Variants in CC2D2B observed in about 807,000 individuals in gnomAD.
CC2D2B encodes the protein coiled-coil and C2 domain containing 2B, also known as protein CC2D2B.
A neutral mutation model predicts 161.2 loss-of-function variants in CC2D2B; 128 were observed. The ratio of observed to expected loss-of-function variants is 0.79; its 90% CI spans 0.69 to 0.92. CC2D2B has a LOEUF of 0.92. Ranked by LOEUF, CC2D2B falls within the 40% of genes least tolerant of loss-of-function variation. CC2D2B has a pLI of 0.00. For missense variants in CC2D2B, 1,173 were observed against 1,375.1 expected, an observed-to-expected ratio of 0.85 and a Z score of 2.32; for synonymous variants, 391 against 449.8, an observed-to-expected ratio of 0.87 and a Z score of 1.65.
chr10:95,939,005 T>G (rs1358993307), intron 9 of CC2D2B, 80 bp downstream of exon 9: 1 of 592,162 alleles, frequency 1.7e-6, no homozygotes, highest in Non-Finnish European at 3.0e-6. Context: ...GTGGTGTTGA[T>G]TTATCCTTTA....
At chr10:96,012,435 A>C in intron 27 of CC2D2B, 68 bp downstream of exon 27, 1 of 870,062 alleles carries the variant, frequency 1.1e-6, no homozygotes, top group African/African-American at 1.7e-5. Flanking sequence ...AAAAACCAGT[A>C]ATAATTTCAA....
intron 21 of CC2D2B, 116 bp from the exon 22 acceptor site, chr10:95,992,411 C>G: frequency 1.3e-6 from 1 of 785,172 alleles, no homozygotes; most frequent in Non-Finnish European, 1.7e-6. Context: ...GTCTCCCCTC[C>G]ATAATGCAGA....
At chr10:95,961,308 G>A (rs566482037) in intron 11 of CC2D2B, among the ~76,000 whole-genome samples, 11 of 152,168 alleles carry the variant, frequency 7.2e-5, no homozygotes, top group South Asian at 6.2e-4. Context: ...CAGGCAGATC[G>A]CTTGAGGTCA....
At chr10:95,990,428 T>C (rs926000252) in intron 20 of CC2D2B, among the ~76,000 whole-genome samples, 23 of 152,140 alleles carry the variant, frequency 1.5e-4, no homozygotes, top group Non-Finnish European at 2.6e-4. Flanking sequence ...CGTAGAAAAC[T>C]TGGCGTAGAA....
At chr10:95,955,086 G>A (rs1404282133) in intron 10 of CC2D2B, among the ~76,000 whole-genome samples, 2 of 151,958 alleles carry the variant, frequency 1.3e-5, no homozygotes, top group South Asian at 2.1e-4. Context: ...TGATACCTGT[G>A]CTCAATATGC....
intron 6 of CC2D2B, among the ~76,000 whole-genome samples, chr10:95,936,911 T>C (rs67166869): frequency 0.13 from 20,483 of 152,142 alleles, 1,463 homozygotes; most frequent in Middle Eastern, 0.2. Flanking sequence ...AGAGCTCCAG[T>C]TGGAGCAAAG....
At chr10:95,970,467 C>T (rs982805315) in intron 15 of CC2D2B, among the ~76,000 whole-genome samples, 9 of 152,192 alleles carry the variant, frequency 5.9e-5, no homozygotes, top group Non-Finnish European at 8.8e-5. Flanking sequence ...CGTTTAAAAA[C>T]GCCCATTTTC....
At chr10:95,941,402 G>T (rs986689163) in intron 9 of CC2D2B, among the ~76,000 whole-genome samples, 1 of 152,024 alleles carries the variant, frequency 6.6e-6, no homozygotes, top group Non-Finnish European at 1.5e-5. Context: ...AGAGACAGAA[G>T]GCAACCTATG....
At chr10:95,981,118 G>A (rs960560308) in intron 17 of CC2D2B, among the ~76,000 whole-genome samples, 1 of 152,126 alleles carries the variant, frequency 6.6e-6, no homozygotes, top group Non-Finnish European at 1.5e-5. Context: ...TCATGGCAGG[G>A]CACAGTGGCT....
chr10:95,978,060 G>C (rs1037405191), intron 17 of CC2D2B, among the ~76,000 whole-genome samples: 4 of 152,060 alleles, frequency 2.6e-5, no homozygotes, highest in African/African-American at 7.2e-5. Flanking sequence ...CTTTAAAATG[G>C]TGGTAAATTT....
At chr10:95,937,620 A>G (rs909417343) in intron 6 of CC2D2B, among the ~76,000 whole-genome samples, 2 of 152,016 alleles carry the variant, frequency 1.3e-5, no homozygotes, top group South Asian at 4.2e-4. Context: ...TGATGGGGAA[A>G]AAAAGGATTT....
At chr10:95,966,567 G>C (rs2076947877) in intron 14 of CC2D2B, among the ~76,000 whole-genome samples, 1 of 151,914 alleles carries the variant, frequency 6.6e-6, no homozygotes, top group South Asian at 2.1e-4. Context: ...AAACCAGTTT[G>C]GTGTTCTATA....
intron 1 of CC2D2B, among the ~76,000 whole-genome samples, chr10:95,909,153 C>T (rs186010638): frequency 7.9e-5 from 12 of 152,250 alleles, no homozygotes; most frequent in African/African-American, 2.6e-4. Flanking sequence ...TTTTGGAAAA[C>T]AAGATAACAG....
intron 1 of CC2D2B, among the ~76,000 whole-genome samples, chr10:95,909,964 C>T (rs1482973096): frequency 1.3e-5 from 2 of 152,170 alleles, no homozygotes; most frequent in Admixed American, 6.5e-5. Flanking sequence ...CTGAGCAACA[C>T]AGCGAGACCC....
At chr10:95,937,861 T>C (rs2075881278) in intron 6 of CC2D2B, 130 bp from the exon 7 acceptor site, 1 of 623,984 alleles carries the variant, frequency 1.6e-6, no homozygotes, top group Admixed American at 3.1e-5. Context: ...CAAGTTCAAC[T>C]GGAACTTGTT....
chr10:95,998,419 T>G lies in CC2D2B; in HGVS notation c.2849+2167T>G, dbSNP rs540842144. 1.4e-3 allele frequency among the ~76,000 whole-genome samples: 212 copies of G among 152,314 alleles called. 1 individual carries two copies. Among genetic ancestry groups the G allele is most frequent in the African/African-American group, 4.9e-3 (202 of 41,568 alleles). ...TAAACATCCTGTGTGCTCTGTCTAT[T>G]CATCCCTCCCTCCCCCTGGAACCTT... is the stretch of plus-strand genomic sequence containing the variant. On this transcript the variant is annotated intron_variant, in intron 24 of 34. Coordinates refer to ENST00000646931, the MANE Select transcript of CC2D2B (RefSeq NM_001349008.3).
chr10:95,997,685 G>T (rs544945293), intron 24 of CC2D2B, among the ~76,000 whole-genome samples: 1 of 152,290 alleles, frequency 6.6e-6, no homozygotes, highest in South Asian at 2.1e-4. Flanking sequence ...ACCACACCTG[G>T]CCTGCTTCTT....
intron 9 of CC2D2B, among the ~76,000 whole-genome samples, chr10:95,944,842 A>G (rs2076142153): frequency 6.6e-6 from 1 of 152,240 alleles, no homozygotes; most frequent in Admixed American, 6.5e-5. Flanking sequence ...CCATCTCACC[A>G]ACTGTCTAAA....
At chr10:95,999,131 A>T (rs2078358477) in intron 24 of CC2D2B, among the ~76,000 whole-genome samples, 1 of 152,192 alleles carries the variant, frequency 6.6e-6, no homozygotes, top group African/African-American at 2.4e-5. Flanking sequence ...AACATCTAGA[A>T]TAATGTTTGA....
Sources: allele counts gnomAD v4.1 joint callset (sites outside exome capture counted in the v4.1 genomes callset), GRCh38; gene constraint gnomAD v4.1.1; transcripts MANE v1.5; gene names NCBI Gene and HGNC (gene_info 2026-07-23, HGNC 2026-07-21).